The following CALCRL variants were observed in gnomAD, a reference collection of about 807,000 sequenced individuals.
The protein encoded by CALCRL is calcitonin gene-related peptide type 1 receptor.
Under a neutral mutation model 60.4 loss-of-function variants are expected in CALCRL, and 27 were observed. The observed-to-expected ratio is 0.45, with a 90% CI of 0.33 to 0.62. The LOEUF (loss-of-function observed/expected upper bound fraction) is 0.62, where lower values mean the gene tolerates loss of function less well. Ranked by LOEUF, CALCRL falls within the 20% of genes least tolerant of loss-of-function variation. The pLI, the probability that CALCRL is intolerant of heterozygous loss-of-function variation, is 0.03. For missense variants in CALCRL, 424 were observed against 540.7 expected, an observed-to-expected ratio of 0.78 and a Z score of 2.14; for synonymous variants, 190 against 182.6, an observed-to-expected ratio of 1.04 and a Z score of -0.33.
chr2:187,428,933 G>C (rs1161130612), intron 1 of CALCRL: 1 of 151,416 alleles, frequency 6.6e-6, no homozygotes, highest in Non-Finnish European at 1.5e-5. Context: ...AACTTTTCTG[G>C]AGTATTTTCA....
At chr2:187,365,477 G>GA in intron 8 of CALCRL, among the ~76,000 whole-genome samples, 1 of 152,134 alleles carries the variant, frequency 6.6e-6, no homozygotes, top group Middle Eastern at 3.4e-3. Context: ...ACCATCAAGG[G>GA]AAAAAAAGTA....
At chr2:187,402,247 T>A (rs1414158067) in intron 1 of CALCRL, among the ~76,000 whole-genome samples, 1 of 151,736 alleles carries the variant, frequency 6.6e-6, no homozygotes, top group Non-Finnish European at 1.5e-5. Context: ...TATTAAGTTC[T>A]AGGGATCCAG....
chr2:187,384,559 A>C (rs1221448768), intron 4 of CALCRL, among the ~76,000 whole-genome samples: 1 of 152,226 alleles, frequency 6.6e-6, no homozygotes, highest in Non-Finnish European at 1.5e-5. Flanking sequence ...AGTCAACTTA[A>C]AGATACCGTC....
intron 1 of CALCRL, among the ~76,000 whole-genome samples, chr2:187,398,859 C>T (rs1688764977): frequency 6.6e-6 from 1 of 151,634 alleles, no homozygotes; most frequent in African/African-American, 2.4e-5. Context: ...AGGCAATTAG[C>T]TGAGATTGAG....
At chr2:187,444,648 TC>T (rs1559082771) in intron 1 of CALCRL, among the ~76,000 whole-genome samples, 1 of 151,522 alleles carries the variant, frequency 6.6e-6, no homozygotes, top group Non-Finnish European at 1.5e-5. Flanking sequence ...TGATAATAAT[TC>T]TAGTAACCTA....
chr2:187,442,070 T>TTATATATATATATATA (rs370387256), intron 1 of CALCRL: 4 of 127,400 alleles, frequency 3.1e-5, no homozygotes, highest in African/African-American at 1.2e-4. Flanking sequence ...CTTAAAAACA[T>TTATATATATATATATA]TATATATATA....
intron 1 of CALCRL, among the ~76,000 whole-genome samples, chr2:187,389,947 T>G (rs1688365491): frequency 6.6e-6 from 1 of 152,158 alleles, no homozygotes; most frequent in African/African-American, 2.4e-5. Context: ...GTTTACCATA[T>G]ACATGAATGA....
intron 12 of CALCRL, among the ~76,000 whole-genome samples, chr2:187,357,269 G>A (rs1686835713): frequency 5.3e-5 from 8 of 152,120 alleles, no homozygotes; most frequent in Admixed American, 3.9e-4. Context: ...GCCCATCAAT[G>A]ATAGACTGGA....
At chr2:187,349,187 T>C (rs1686415825) in intron 14 of CALCRL, among the ~76,000 whole-genome samples, 1 of 151,696 alleles carries the variant, frequency 6.6e-6, no homozygotes, top group South Asian at 2.1e-4. Flanking sequence ...AACCTTCTGA[T>C]GACTAGAGTC....
At chr2:187,446,700 C>T (rs1406313773) in intron 1 of CALCRL, among the ~76,000 whole-genome samples, 1 of 151,780 alleles carries the variant, frequency 6.6e-6, no homozygotes, top group Non-Finnish European at 1.5e-5. Flanking sequence ...CCCATTTCTA[C>T]ACATGTGTCA....
chr2:187,343,690 A>C lies in CALCRL; in HGVS notation c.*2494T>G, dbSNP rs1686171703. 6.6e-6 allele frequency: 1 copy of C among 151,576 alleles called. No homozygotes were observed. The highest frequency in any genetic ancestry group is 1.5e-5 in the Non-Finnish European group (1 of 67,582). The allele number at this position is 151,576 out of a possible 1,614,324, so 9.4% of individuals were successfully genotyped here. On this transcript the variant is annotated 3_prime_UTR_variant, in exon 15 of 15. Transcript: ENST00000392370. The stretch of plus-strand genomic sequence containing the variant: ...GCAGATCTACATTTTAAAAGCTAGA[A>C]ATTTCCCCAAATTTATTTTTTTGAC...
chr2:187,421,783 A>G (rs1689881973), intron 1 of CALCRL, among the ~76,000 whole-genome samples: 1 of 152,164 alleles, frequency 6.6e-6, no homozygotes, highest in African/African-American at 2.4e-5. Context: ...AGAAGCTCCA[A>G]ACCAGTTCAG....
intron 8 of CALCRL, among the ~76,000 whole-genome samples, chr2:187,378,329 C>A (rs1036357001): frequency 2.6e-5 from 4 of 152,070 alleles, no homozygotes; most frequent in Admixed American, 2.0e-4. Context: ...TAAAATAATG[C>A]ATGCATGACT....
chr2:187,346,425 GAAC>G (rs1207904477), intron 14 of CALCRL, 26 bp from the exon 15 acceptor site: 6 of 1,506,138 alleles, frequency 4.0e-6, no homozygotes, highest in South Asian at 1.2e-5. Context: ...AAAACAGAAA[GAAC>G]AAGAACAACC....
At chr2:187,365,090 G>C (rs968571000) in intron 8 of CALCRL, among the ~76,000 whole-genome samples, 1 of 152,170 alleles carries the variant, frequency 6.6e-6, no homozygotes, top group Non-Finnish European at 1.5e-5. Context: ...GAACAAAGGA[G>C]TGGCATGATT....
intron 1 of CALCRL, among the ~76,000 whole-genome samples, chr2:187,394,037 G>T (rs1220294354): frequency 1.3e-5 from 2 of 152,032 alleles, no homozygotes; most frequent in Non-Finnish European, 2.9e-5. Flanking sequence ...GAGTTATCCA[G>T]GTTAGTTGCA....
chr2:187,363,615 T>A, intron 8 of CALCRL, 113 bp from the exon 9 acceptor site: 1 of 1,130,290 alleles, frequency 8.8e-7, no homozygotes, highest in Non-Finnish European at 1.2e-6. Flanking sequence ...TTGAAACAAT[T>A]ATTTTTTCTC....
At chr2:187,416,365 A>G (rs1324628562) in intron 1 of CALCRL, among the ~76,000 whole-genome samples, 1 of 152,336 alleles carries the variant, frequency 6.6e-6, no homozygotes, top group East Asian at 1.9e-4. Flanking sequence ...ACCACGTCAT[A>G]CTGAATGACA....
At chr2:187,349,139 A>G (rs2105688447) in intron 14 of CALCRL, among the ~76,000 whole-genome samples, 1 of 151,750 alleles carries the variant, frequency 6.6e-6, no homozygotes, top group East Asian at 1.9e-4. Flanking sequence ...CTTTTTGCTC[A>G]TCTTATGGAA....
Sources: allele counts gnomAD v4.1 joint callset (sites outside exome capture counted in the v4.1 genomes callset), GRCh38; gene constraint gnomAD v4.1.1; transcripts MANE v1.5; gene names NCBI Gene and HGNC (gene_info 2026-07-23, HGNC 2026-07-21).